The following SYN1 variants were observed in gnomAD, a reference collection of about 807,000 sequenced individuals.
The protein encoded by SYN1 is synapsin-1.
A neutral mutation model predicts 44.6 loss-of-function variants in SYN1; 8 were observed. The ratio of observed to expected loss-of-function variants is 0.18; its 90% CI spans 0.11 to 0.32. The LOEUF (loss-of-function observed/expected upper bound fraction) is 0.32. SYN1 is among the 10% of genes least tolerant of loss of function. SYN1 has a pLI of 1.00. For missense variants in SYN1, 451 were observed against 639.4 expected (o/e 0.71, Z 3.18); for synonymous variants, 275 against 280.1 (o/e 0.98, Z 0.18).
intron 1 of SYN1, among the ~76,000 whole-genome samples, chrX:47,613,008 C>T (rs1325960866): frequency 9.1e-6 from 1 of 110,470 alleles, no homozygotes; most frequent in African/African-American, 3.3e-5. Context: ...TGGCGCACGC[C>T]TGTAATCCCA....
chrX:47,577,580 C>A, intron 5 of SYN1, 79 bp from the exon 6 acceptor site: 1 of 927,621 alleles, frequency 1.1e-6, no homozygotes, highest in East Asian at 3.3e-5. Context: ...TGAGGGGATC[C>A]CAGCCAGTGG....
chrX:47,579,849 G>GCC (rs140381513), intron 5 of SYN1, among the ~76,000 whole-genome samples: 54 of 83,174 alleles, frequency 6.5e-4, no homozygotes, highest in African/African-American at 7.7e-4. Context: ...TGTTTTTGTC[G>GCC]CCCCCCCACC....
chrX:47,605,484 A>G (rs1395114691), intron 3 of SYN1, 105 bp from the exon 4 acceptor site: 4 of 1,002,274 alleles, frequency 4.0e-6, no homozygotes, highest in Admixed American at 5.2e-5. Context: ...AGAAATTGCA[A>G]AGTGGTTTCT....
intron 5 of SYN1, among the ~76,000 whole-genome samples, chrX:47,603,232 T>G (rs4824623): frequency 0.36 from 39,537 of 109,922 alleles, 5,170 homozygotes; most frequent in African/African-American, 0.42. Flanking sequence ...GGTCTCACTC[T>G]GTTGCCCAGG....
chrX:47,585,915 T>C, intron 5 of SYN1: 4 of 1,118,502 alleles, frequency 3.6e-6, no homozygotes, highest in Non-Finnish European at 4.7e-6. Context: ...CCTCTAATTC[T>C]CCCTTGTGAC....
At chrX:47,613,099 C>G (rs756546568) in intron 1 of SYN1, among the ~76,000 whole-genome samples, 2 of 96,357 alleles carry the variant, frequency 2.1e-5, no homozygotes, top group Non-Finnish European at 4.0e-5. Context: ...TGCCACAGCA[C>G]CAGCCTGGGC....
At chrX:47,602,886 T>G (rs1028663010) in intron 5 of SYN1, among the ~76,000 whole-genome samples, 2 of 111,714 alleles carry the variant, frequency 1.8e-5, no homozygotes, top group Non-Finnish European at 1.9e-5. Flanking sequence ...TGGTAAAAAT[T>G]GACAAAATTA....
chrX:47,573,923 G>A lies in SYN1; in HGVS notation c.1982+79C>T, dbSNP rs746834313. The A allele has an allele frequency of 4.6e-5, 43 of 943,994 alleles. No individual in the cohort carries two copies. In the African/African-American group the frequency reaches 5.7e-4, roughly 13 times the overall value. The allele number at this position is 943,994 out of a possible 1,213,427, so 77.8% of individuals were successfully genotyped here. On this transcript the variant is annotated intron_variant, in intron 12 of 12. Coordinates refer to ENST00000295987, the MANE Select transcript of SYN1 (RefSeq NM_006950.3). ...CATAGGACCTGGGTCTGAGGAGCAA[G>A]GGAGCTAGGGCTGCTCTACTGGGGC...
intron 5 of SYN1, among the ~76,000 whole-genome samples, chrX:47,603,888 G>A (rs1185540481): frequency 1.1e-5 from 1 of 94,196 alleles, no homozygotes; most frequent in African/African-American, 4.0e-5. Flanking sequence ...TAATATTAGT[G>A]ATTATATATA....
chrX:47,575,410 G>T, intron 9 of SYN1, 136 bp from the exon 10 acceptor site: 1 of 818,282 alleles, frequency 1.2e-6, no homozygotes, highest in Non-Finnish European at 1.7e-6. Flanking sequence ...TGCACGGTGA[G>T]GAAGGCTTGT....
chrX:47,597,403 G>A (rs761994399), intron 5 of SYN1, among the ~76,000 whole-genome samples: 1 of 110,207 alleles, frequency 9.1e-6, no homozygotes, highest in African/African-American at 3.3e-5. Context: ...ATTCACTAGA[G>A]GGGATCAACA....
At chrX:47,617,812 T>C (rs768989455) in intron 1 of SYN1, among the ~76,000 whole-genome samples, 16 of 111,527 alleles carry the variant, frequency 1.4e-4, no homozygotes, top group African/African-American at 4.6e-4. Context: ...GAAAAGGTCT[T>C]TGGGGGAGGA....
At chrX:47,577,594 C>G in intron 5 of SYN1, 93 bp from the exon 6 acceptor site, 1 of 808,950 alleles carries the variant, frequency 1.2e-6, no homozygotes, top group Non-Finnish European at 1.8e-6. Flanking sequence ...CCAGTGGGAA[C>G]TGCATTATGA....
intron 1 of SYN1, among the ~76,000 whole-genome samples, chrX:47,613,574 C>A (rs1231264877): frequency 9.0e-6 from 1 of 111,636 alleles, no homozygotes; most frequent in Non-Finnish European, 1.9e-5. Context: ...CCTCAGCCAG[C>A]TCACTGTCTA....
intron 1 of SYN1, among the ~76,000 whole-genome samples, chrX:47,612,005 G>A (rs2057918039): frequency 9.0e-6 from 1 of 111,727 alleles, no homozygotes; most frequent in Admixed American, 9.5e-5. Context: ...GACATGTAAA[G>A]CTACCAGCTT....
intron 1 of SYN1, among the ~76,000 whole-genome samples, chrX:47,610,286 A>C (rs2057913065): frequency 9.0e-6 from 1 of 110,829 alleles, no homozygotes. Context: ...TGAGATGGGG[A>C]TATCTGGGCA....
chrX:47,619,776 C>G lies in SYN1; in HGVS notation c.-48G>C. 8.8e-7 allele frequency: 1 copy of G among 1,136,042 alleles called. No homozygotes were observed. Among genetic ancestry groups the G allele is most frequent in the Non-Finnish European group, 1.2e-6 (1 of 852,460 alleles). The allele number at this position is 1,136,042 out of a possible 1,213,427, so 93.6% of individuals were successfully genotyped here. Reference sequence around the variant, plus strand: ...TCCTAGGGGTGGTCTGGCCAGGAGCCGCGGGGGCGGACTGCGCGGTGCCCA... The same window carrying G: ...TCCTAGGGGTGGTCTGGCCAGGAGCGGCGGGGGCGGACTGCGCGGTGCCCA... On this transcript the variant is annotated 5_prime_UTR_variant, in exon 1 of 13. Coordinates refer to ENST00000295987, the MANE Select transcript of SYN1 (RefSeq NM_006950.3).
intron 5 of SYN1, among the ~76,000 whole-genome samples, chrX:47,579,562 C>T (rs779891410): frequency 9.0e-6 from 1 of 110,544 alleles, no homozygotes; most frequent in African/African-American, 3.3e-5. Context: ...GGTCACACAC[C>T]CCTCCATGAA....
At chrX:47,575,091 C>G in intron 10 of SYN1, 37 bp downstream of exon 10, 1 of 1,177,253 alleles carries the variant, frequency 8.5e-7, no homozygotes, top group Non-Finnish European at 1.1e-6. Context: ...CCTCCCCACA[C>G]TAGCTCAAGC....
Sources: allele counts gnomAD v4.1 joint callset (sites outside exome capture counted in the v4.1 genomes callset), GRCh38; gene constraint gnomAD v4.1.1; transcripts MANE v1.5; gene names NCBI Gene and HGNC (gene_info 2026-07-23, HGNC 2026-07-21).